The following PHGDH variants were observed in gnomAD, a reference collection of about 807,000 sequenced individuals.
The protein encoded by PHGDH is D-3-phosphoglycerate dehydrogenase.
Under a neutral mutation model 52.6 loss-of-function variants are expected in PHGDH, and 50 were observed. The ratio of observed to expected loss-of-function variants is 0.95; its 90% CI spans 0.76 to 1.20. The LOEUF (loss-of-function observed/expected upper bound fraction) is 1.20. PHGDH is among the 50% of genes most tolerant of loss of function. PHGDH has a pLI of 0.00. For missense variants in PHGDH, 630 were observed against 684.6 expected (o/e 0.92, Z 0.89); for synonymous variants, 271 against 280.5 (o/e 0.97, Z 0.34).
At chr1:119,727,134 A>G (rs763662463) in intron 5 of PHGDH, 32 bp downstream of exon 5, 7 of 1,340,352 alleles carry the variant, frequency 5.2e-6, no homozygotes, top group Non-Finnish European at 6.5e-6. Flanking sequence ...GTGATGTGGG[A>G]CTTTCTGCAG....
rs1652144465 is a variant in PHGDH, at chr1:119,740,437, A to C, written c.997A>C (p.Ile333Leu). Residue 333 changes from isoleucine (I) to leucine (L), a missense_variant, in exon 9 of 12, where the codon ATT becomes CTT. By Grantham distance (5) the Ile-to-Leu change is conservative. Transcript: ENST00000641023. Reference protein sequence around the residue: ...SAFSPHTKPWIGLAEALGTLM... With the variant: ...SAFSPHTKPWLGLAEALGTLM... ...CTTCTCTCCACACACCAAGCCTTGGATTGGTCTGGCAGAAGCTCTGGGGAC... is the reference window on the plus strand; with the variant it reads ...CTTCTCTCCACACACCAAGCCTTGGCTTGGTCTGGCAGAAGCTCTGGGGAC... 1 of 1,613,040 alleles carries C rather than the reference A, an allele frequency of 6.2e-7. No individual in the cohort carries two copies. The highest frequency in any genetic ancestry group is 8.5e-7 in the Non-Finnish European group (1 of 1,179,356).
At chr1:119,733,707 A>C (rs1651806432) in intron 5 of PHGDH, among the ~76,000 whole-genome samples, 1 of 152,206 alleles carries the variant, frequency 6.6e-6, no homozygotes, top group South Asian at 2.1e-4. Context: ...ATGTAGTAGA[A>C]AACTTGAAAG....
At chr1:119,741,945 TCTTCTCCC>T (rs1187565064) in intron 10 of PHGDH, 48 bp downstream of exon 10, 1 of 1,520,030 alleles carries the variant, frequency 6.6e-7, no homozygotes. Flanking sequence ...TCAGCACTAG[TCTTCTCCC>T]CCACATTTCC....
chr1:119,737,699 G>T (rs1166657802), intron 8 of PHGDH, among the ~76,000 whole-genome samples: 1 of 152,094 alleles, frequency 6.6e-6, no homozygotes, highest in Non-Finnish European at 1.5e-5. Context: ...TTGACAGCCT[G>T]CCCTACCTAC....
chr1:119,734,780 T>C lies in PHGDH; in HGVS notation c.643+14T>C. The C allele has an allele frequency of 1.2e-6, 2 of 1,613,938 alleles. No individual in the cohort carries two copies. The highest frequency in any genetic ancestry group is 1.7e-6 in the Non-Finnish European group (2 of 1,179,914). ...CCTCCACGACAGGTAGGTGTGTCCT[T>C]ACATTGTGGATTGGTCACAGAAGCC... On this transcript the variant is annotated intron_variant, in intron 6 of 11. Coordinates refer to ENST00000641023, the MANE Select transcript of PHGDH (RefSeq NM_006623.4).
chr1:119,723,468 T>A (rs770225340), intron 3 of PHGDH, 27 bp downstream of exon 3: 6 of 1,562,610 alleles, frequency 3.8e-6, no homozygotes, highest in Non-Finnish European at 4.4e-6. Context: ...TCAGCAAAGC[T>A]AGTCTCTCCG....
At chr1:119,740,216 A>G (rs985385215) in intron 8 of PHGDH, 170 bp from the exon 9 acceptor site, 1 of 644,758 alleles carries the variant, frequency 1.6e-6, no homozygotes, top group African/African-American at 1.8e-5. Context: ...TGTAGGAACA[A>G]GTCCTTGTCC....
chr1:119,737,991 T>TG (rs1652018971), intron 8 of PHGDH, among the ~76,000 whole-genome samples: 1 of 152,134 alleles, frequency 6.6e-6, no homozygotes, highest in Non-Finnish European at 1.5e-5. Flanking sequence ...TCTGAAGTCT[T>TG]GCTTGGCCTT....
At chr1:119,726,953 C>T (rs772011894) in intron 4 of PHGDH, 48 bp downstream of exon 4, 37 of 1,604,906 alleles carry the variant, frequency 2.3e-5, no homozygotes, top group Non-Finnish European at 2.2e-5. Context: ...GGCCCGGGGT[C>T]CACTCATGTT....
intron 10 of PHGDH, 138 bp downstream of exon 10, chr1:119,742,035 C>T (rs1652233941): frequency 2.7e-6 from 2 of 740,124 alleles, no homozygotes; most frequent in East Asian, 5.4e-5. Flanking sequence ...GGGGTAGCTG[C>T]AGTTTCTTCA....
rs1452461315 is a variant in PHGDH at position 119,743,910 on chromosome 1, G to A, written c.1472G>A (p.Arg491Gln). 9.9e-6 allele frequency: 16 copies of A among 1,613,918 alleles called. No homozygotes were observed. Among genetic ancestry groups the A allele is most frequent in the East Asian group, 2.2e-5 (1 of 44,874 alleles). Residue 491 changes from arginine (R) to glutamine (Q), a missense_variant, in exon 12 of 12, where the codon CGG (arginine) becomes CAG (glutamine). Physicochemically the swap from Arg to Gln is conservative, Grantham distance 43. Coordinates refer to ENST00000641023, the MANE Select transcript of PHGDH (RefSeq NM_006623.4). ...MIGLLAEAGV[R>Q]LLSYQTSLVS... is the part of the protein sequence containing the mutation. ...GGCCTCCTGGCAGAGGCAGGCGTGCGGCTGCTGTCCTACCAGACTTCACTG... is the reference window on the plus strand; with the variant it reads ...GGCCTCCTGGCAGAGGCAGGCGTGCAGCTGCTGTCCTACCAGACTTCACTG...
intron 9 of PHGDH, among the ~76,000 whole-genome samples, chr1:119,741,032 G>T (rs182535545): frequency 3.9e-5 from 6 of 152,280 alleles, no homozygotes; most frequent in Non-Finnish European, 5.9e-5. Flanking sequence ...GACAGCCCTC[G>T]AGAGAGAGTT....
In PHGDH at chr1:119,712,090, T is replaced by A. The variant is rs587615037; in HGVS notation, c.68T>A (p.Leu23Ter). ...CTGGACCCTTGCTGCCGGAAGATCTTGCAAGATGGAGGGCTGCAGGTGGTG... is the reference window on the plus strand; with the variant it reads ...CTGGACCCTTGCTGCCGGAAGATCTAGCAAGATGGAGGGCTGCAGGTGGTG... ...DSLDPCCRKI[L>*]QDGGLQVVEK... Residue 23 changes from leucine (L) to a stop codon, truncating the protein, a stop_gained, in exon 1 of 12, where the codon TTG (leucine) becomes TAG (stop). Coordinates refer to ENST00000641023, the MANE Select transcript of PHGDH (RefSeq NM_006623.4). LOFTEE classifies it high-confidence loss of function. 1 of 1,614,118 alleles carries A rather than the reference T, an allele frequency of 6.2e-7. No individual in the cohort carries two copies. Among genetic ancestry groups the A allele is most frequent in the African/African-American group, 1.3e-5 (1 of 75,050 alleles).
At chr1:119,719,849 G>C (rs1651074117) in intron 1 of PHGDH, 1 of 152,206 alleles carries the variant, frequency 6.6e-6, no homozygotes, top group Non-Finnish European at 1.5e-5. Flanking sequence ...GGTTTTCATG[G>C]GATCCAGCTG....
At chr1:119,722,364 A>G (rs1324165979) in intron 2 of PHGDH, among the ~76,000 whole-genome samples, 1 of 152,212 alleles carries the variant, frequency 6.6e-6, no homozygotes, top group East Asian at 1.9e-4. Context: ...AGACAGACCC[A>G]GTAGGGGAAT....
In PHGDH at chr1:119,734,897, G is replaced by T. The variant is rs767488597; in HGVS notation, c.643+131G>T. 9.6e-6 allele frequency: 10 copies of T among 1,044,582 alleles called. 1 individual carries two copies. The highest frequency in any genetic ancestry group is 4.0e-4 in the Middle Eastern group (2 of 4,962). 64.7% of individuals were successfully genotyped at this position (1,044,582 alleles called of 1,614,324 possible). Reference sequence around the variant, plus strand: ...AGAGGTCCACCTGGGTCCTGCAGAGGCTGGTGTTTTGTTAGACACCCCTAC... The same window carrying T: ...AGAGGTCCACCTGGGTCCTGCAGAGTCTGGTGTTTTGTTAGACACCCCTAC... On this transcript the variant is annotated intron_variant, in intron 6 of 11. Coordinates refer to ENST00000641023, the MANE Select transcript of PHGDH (RefSeq NM_006623.4).
intron 5 of PHGDH, among the ~76,000 whole-genome samples, chr1:119,733,926 T>C (rs1013205395): frequency 1.3e-5 from 2 of 152,128 alleles, no homozygotes; most frequent in African/African-American, 4.8e-5. Context: ...AGCTCCTTTA[T>C]TTAGGGTTGA....
rs3748710 is a variant in PHGDH at position 119,711,959 on chromosome 1, A to C, written c.-64A>C. On this transcript the variant is annotated 5_prime_UTR_variant, in exon 1 of 12. Transcript: ENST00000641023. ...CCAGTTACTCTAGCGCGCCAGGCCG[A>C]ACCGCAGCTTCTTGGCTTAGGTACT... The C allele has an allele frequency of 3.1e-6, 5 of 1,591,262 alleles. 1 individual carries two copies. In the East Asian group the frequency reaches 1.1e-4, roughly 36 times the overall value.
At chr1:119,728,365 AGAGC>A (rs1651539610) in intron 5 of PHGDH, among the ~76,000 whole-genome samples, 1 of 152,182 alleles carries the variant, frequency 6.6e-6, no homozygotes, top group Non-Finnish European at 1.5e-5. Flanking sequence ...GCCTCACAGT[AGAGC>A]CTTACATCCA....
Sources: allele counts gnomAD v4.1 joint callset (sites outside exome capture counted in the v4.1 genomes callset), GRCh38; gene constraint gnomAD v4.1.1; transcripts MANE v1.5; gene names NCBI Gene and HGNC (gene_info 2026-07-23, HGNC 2026-07-21).